TLE4: variants seen among roughly 807,000 people sequenced by gnomAD.
TLE4 encodes the protein transducin-like enhancer protein 4.
Under a neutral mutation model 92.8 loss-of-function variants are expected in TLE4, and 8 were observed. The ratio of observed to expected loss-of-function variants is 0.09; its 90% CI spans 0.05 to 0.16. The LOEUF is 0.16. TLE4 is among the 10% of genes least tolerant of loss of function. The probability of loss-of-function intolerance (pLI) is 1.00; values close to 1 mark genes in which losing one functional copy is unlikely to be tolerated. For missense variants in TLE4, 675 were observed against 997.6 expected (o/e 0.68, Z 4.36); for synonymous variants, 371 against 374.1 (o/e 0.99, Z 0.10).
At chr9:79,578,382 A>G (rs911520924) in intron 4 of TLE4, among the ~76,000 whole-genome samples, 15 of 152,160 alleles carry the variant, frequency 9.9e-5, no homozygotes, top group African/African-American at 3.6e-4. Flanking sequence ...ACCTTTGTGT[A>G]TTTTTTGGTT....
chr9:79,606,432 G>T (rs532129587), intron 4 of TLE4, among the ~76,000 whole-genome samples: 78 of 147,716 alleles, frequency 5.3e-4, no homozygotes, highest in Non-Finnish European at 8.6e-4. Context: ...CAACGTGCAG[G>T]TTTGTTACAT....
chr9:79,689,659 A>G (rs1260553618), intron 8 of TLE4, among the ~76,000 whole-genome samples: 1 of 152,182 alleles, frequency 6.6e-6, no homozygotes, highest in Non-Finnish European at 1.5e-5. Context: ...TTTGAAATGT[A>G]GTTCATCCTG....
At chr9:79,679,164 A>G (rs2063899787) in intron 8 of TLE4, among the ~76,000 whole-genome samples, 1 of 151,988 alleles carries the variant, frequency 6.6e-6, no homozygotes, top group African/African-American at 2.4e-5. Context: ...GTCAAATGGT[A>G]TTTCTAGTTC....
intron 1 of TLE4, 66 bp from the exon 2 acceptor site, chr9:79,573,623 G>A: frequency 5.1e-6 from 7 of 1,365,408 alleles, no homozygotes; most frequent in African/African-American, 1.4e-5. Flanking sequence ...CGCATAGTAG[G>A]TTTTCTCCGT....
chr9:79,676,344 G>A (rs908654436), intron 8 of TLE4, among the ~76,000 whole-genome samples: 5 of 151,404 alleles, frequency 3.3e-5, no homozygotes, highest in Admixed American at 6.6e-5. Context: ...ATGCCTTTAT[G>A]AAGCCATGGG....
chr9:79,636,538 C>G (rs932816873), intron 6 of TLE4, among the ~76,000 whole-genome samples: 5 of 152,106 alleles, frequency 3.3e-5, no homozygotes, highest in Non-Finnish European at 1.5e-5. Context: ...GTTTGTGCAC[C>G]AGCTTCTCTG....
intron 8 of TLE4, among the ~76,000 whole-genome samples, chr9:79,658,282 A>T (rs1301094814): frequency 6.6e-6 from 1 of 152,244 alleles, no homozygotes; most frequent in Non-Finnish European, 1.5e-5. Flanking sequence ...TTTTGTTGGC[A>T]TAATGAGTAT....
In TLE4 at chr9:79,708,111, T is replaced by G. The variant is rs868344081; in HGVS notation, c.937-7T>G. On this transcript the variant is annotated splice_region_variant and splice_polypyrimidine_tract_variant and intron_variant, in intron 11 of 19. Coordinates refer to ENST00000376552, the MANE Select transcript of TLE4 (RefSeq NM_007005.6). ...AATTGCTGGTATATGTCATTTCATC[T>G]TGTTAGAATGAAAAATCTACTACTC... The G allele has an allele frequency of 3.1e-6, 5 of 1,613,700 alleles. No individual in the cohort carries two copies. The Middle Eastern group carries it at 8.3e-4, about 266-fold the overall frequency.
At chr9:79,700,515 G>A (rs372007207) in intron 8 of TLE4, among the ~76,000 whole-genome samples, 1 of 152,024 alleles carries the variant, frequency 6.6e-6, no homozygotes, top group Non-Finnish European at 1.5e-5. Flanking sequence ...AGTCTGGGAT[G>A]GTCTTTAATC....
At chr9:79,708,534 A>G (rs1457161773) in intron 12 of TLE4, 59 bp from the exon 13 acceptor site, 2 of 1,471,882 alleles carry the variant, frequency 1.4e-6, no homozygotes, top group African/African-American at 1.4e-5. Flanking sequence ...ATGTTTACAA[A>G]TGTCTTCACT....
chr9:79,658,812 T>C (rs1208851862), intron 8 of TLE4, among the ~76,000 whole-genome samples: 2 of 152,188 alleles, frequency 1.3e-5, no homozygotes, highest in African/African-American at 4.8e-5. Context: ...AATAGAAAGG[T>C]AGATTAAAAA....
chr9:79,699,763 G>A (rs1232160304), intron 8 of TLE4, among the ~76,000 whole-genome samples: 2 of 152,170 alleles, frequency 1.3e-5, no homozygotes, highest in Non-Finnish European at 2.9e-5. Context: ...AGCAAAATTG[G>A]CATGGTGTGC....
intron 16 of TLE4, among the ~76,000 whole-genome samples, chr9:79,720,524 C>T (rs2136237193): frequency 6.6e-6 from 1 of 151,926 alleles, no homozygotes; most frequent in East Asian, 1.9e-4. Context: ...TTCTGTAGTA[C>T]TTGAACTTCA....
chr9:79,592,260 T>TTTC lies in TLE4; in HGVS notation c.252+16098_252+16100dup, dbSNP rs1246492635. On this transcript the variant is annotated intron_variant, in intron 4 of 19. Transcript: ENST00000376552. The stretch of plus-strand genomic sequence containing the variant: ...TCCTTCTGCTTCTTCTTCTTTCTTC[T>TTTC]TTCTTCTTCTTCTTCTTTTTTTTTT... Among the ~76,000 whole-genome samples the TTTC allele has an allele frequency of 1.0e-4, 15 of 149,364 alleles. No homozygotes were observed. The South Asian group carries it at 1.3e-3, about 13-fold the overall frequency.
intron 8 of TLE4, among the ~76,000 whole-genome samples, chr9:79,690,385 C>G (rs1323669286): frequency 6.6e-6 from 1 of 152,146 alleles, no homozygotes; most frequent in Non-Finnish European, 1.5e-5. Flanking sequence ...TAACCTTTAT[C>G]TAAGTTTTTT....
At chr9:79,725,010 A>T (rs1363610989) in intron 19 of TLE4, 27 bp from the exon 20 acceptor site, 1 of 1,571,860 alleles carries the variant, frequency 6.4e-7, no homozygotes, top group East Asian at 2.2e-5. Flanking sequence ...AGTATTTAAC[A>T]TTTTTGATTA....
intron 4 of TLE4, among the ~76,000 whole-genome samples, chr9:79,608,025 A>G (rs1361253886): frequency 6.6e-6 from 1 of 152,064 alleles, no homozygotes; most frequent in Admixed American, 6.6e-5. Flanking sequence ...GCAAACAGAG[A>G]CAATTTGACT....
At chr9:79,661,541 T>C (rs1007491336) in intron 8 of TLE4, among the ~76,000 whole-genome samples, 11 of 152,232 alleles carry the variant, frequency 7.2e-5, no homozygotes, top group African/African-American at 2.7e-4. Flanking sequence ...GAGAGAGTAA[T>C]AGAAAGGAAG....
At chr9:79,720,582 A>C (rs2075460554) in intron 16 of TLE4, among the ~76,000 whole-genome samples, 4 of 152,094 alleles carry the variant, frequency 2.6e-5, no homozygotes, top group Admixed American at 2.0e-4. Flanking sequence ...AAGCATCGCC[A>C]ATTTGTTTTA....
Sources: allele counts gnomAD v4.1 joint callset (sites outside exome capture counted in the v4.1 genomes callset), GRCh38; gene constraint gnomAD v4.1.1; transcripts MANE v1.5; gene names NCBI Gene and HGNC (gene_info 2026-07-23, HGNC 2026-07-21).